Variants in IL16 observed in about 807,000 individuals in gnomAD.
IL16 encodes pro-interleukin-16.
In IL16, 67 loss-of-function variants were observed where a neutral mutation model predicts 110.1. The ratio of observed to expected loss-of-function variants is 0.61; its 90% CI spans 0.50 to 0.75. The LOEUF (loss-of-function observed/expected upper bound fraction) is 0.75. Among genes scored for constraint, IL16 ranks in the 30% least tolerant of loss-of-function variants. The pLI is 0.00. For synonymous variants in IL16, 689 were observed against 662.9 expected (o/e 1.04, Z -0.61); for missense variants, 1,545 against 1,655.0 (o/e 0.93, Z 1.15).
chr15:81,186,974 G>T (rs1895428907), intron 1 of IL16, among the ~76,000 whole-genome samples: 1 of 152,026 alleles, frequency 6.6e-6, no homozygotes, highest in Admixed American at 6.6e-5. Context: ...TCTCATTTTT[G>T]AATGCATTTC....
At position 81,299,401 on chromosome 15, in the gene IL16, A is replaced by G. The variant is rs1324138848; in HGVS notation, c.2075A>G (p.Lys692Arg). The G allele has an allele frequency of 6.2e-7, 1 of 1,613,634 alleles. No homozygotes were observed. The highest frequency in any genetic ancestry group is 8.5e-7 in the Non-Finnish European group (1 of 1,180,022). The change falls in exon 14 of 19, where the codon AAA becomes AGA. Residue 692 changes from lysine (K) to arginine (R), a missense_variant. Lys to Arg is a conservative substitution (Grantham distance 26). Coordinates refer to ENST00000683961, the MANE Select transcript of IL16 (RefSeq NM_172217.5). Reference protein sequence around the residue: ...ASPVTQTSPIKHPLLKRQARM... With the variant: ...ASPVTQTSPIRHPLLKRQARM... ...GTAGTGACCCAAACATCCCCGATAA[A>G]ACACCCACTGCTTAAGAGGCAGGCT... is the stretch of plus-strand genomic sequence containing the variant.
At chr15:81,278,664 G>T (rs12101752) in intron 6 of IL16, among the ~76,000 whole-genome samples, 153 bp from the exon 7 acceptor site, 2 of 152,174 alleles carry the variant, frequency 1.3e-5, no homozygotes, top group Non-Finnish European at 2.9e-5. Context: ...TGCCTGCTTC[G>T]CAAGGGGAGA....
intron 2 of IL16, among the ~76,000 whole-genome samples, chr15:81,233,649 A>G (rs2142073593): frequency 6.6e-6 from 1 of 152,072 alleles, no homozygotes; most frequent in African/African-American, 2.4e-5. Flanking sequence ...ATGTCTGTGT[A>G]TGTGTATGCA....
chr15:81,238,619 T>G (rs751358648), intron 2 of IL16, among the ~76,000 whole-genome samples: 11 of 110,832 alleles, frequency 9.9e-5, no homozygotes, highest in Non-Finnish European at 1.8e-4. Flanking sequence ...TCATTAGGTG[T>G]TGTTATAACT....
At chr15:81,270,664 T>C (rs1898592825) in intron 5 of IL16, among the ~76,000 whole-genome samples, 1 of 152,240 alleles carries the variant, frequency 6.6e-6, no homozygotes, top group South Asian at 2.1e-4. Flanking sequence ...TAGGTAGTAG[T>C]ATTTTTTTGG....
rs1193760253 is a variant in IL16, at chr15:81,251,293, A to G, written c.313-8479A>G. On this transcript the variant is annotated intron_variant, in intron 2 of 18. Transcript: ENST00000683961. ...GTGATCCTCCCACTTCAGCCTCCCA[A>G]GTAGCTGGTACTACAGGTTCGTACC... is the stretch of plus-strand genomic sequence containing the variant. 4.6e-5 allele frequency among the ~76,000 whole-genome samples: 7 copies of G among 152,122 alleles called. No individual in the cohort carries two copies. In the South Asian group the frequency reaches 1.5e-3, roughly 32 times the overall value.
chr15:81,222,508 C>G (rs114787161), intron 1 of IL16, among the ~76,000 whole-genome samples: 102 of 151,686 alleles, frequency 6.7e-4, no homozygotes, highest in African/African-American at 2.3e-3. Context: ...CAGATTTTCT[C>G]TCTGTCCTCC....
At chr15:81,274,861 A>T (rs1898823800) in intron 6 of IL16, among the ~76,000 whole-genome samples, 1 of 152,162 alleles carries the variant, frequency 6.6e-6, no homozygotes, top group Non-Finnish European at 1.5e-5. Context: ...GGCAATGGCG[A>T]GCCTTTGAAG....
intron 2 of IL16, among the ~76,000 whole-genome samples, chr15:81,251,701 T>A (rs1303404332): frequency 6.6e-6 from 1 of 152,208 alleles, no homozygotes; most frequent in Non-Finnish European, 1.5e-5. Flanking sequence ...TTAGGGCTCT[T>A]GATAGTCATT....
chr15:81,196,275 T>A (rs1895594565), upstream of IL16, among the ~76,000 whole-genome samples: 1 of 152,252 alleles, frequency 6.6e-6, no homozygotes, highest in African/African-American at 2.4e-5. Context: ...CTGTGTGACC[T>A]TGGGGAAATT....
At chr15:81,227,387 A>C (rs1192841003) in intron 2 of IL16, among the ~76,000 whole-genome samples, 1 of 152,210 alleles carries the variant, frequency 6.6e-6, no homozygotes, top group African/African-American at 2.4e-5. Context: ...GCTTCTCTAA[A>C]GATGTGACAT....
In IL16 at chr15:81,303,017, G is replaced by A. The variant is rs58754882; in HGVS notation, c.3319-532G>A. ...CTAGGCTAGGAAGTACCGTAGTAATGTGTGTGTGTGTGTGTGTGTGTGTGT... is the reference window on the plus strand; with the variant it reads ...CTAGGCTAGGAAGTACCGTAGTAATATGTGTGTGTGTGTGTGTGTGTGTGT... On this transcript the variant is annotated intron_variant, in intron 15 of 18. Coordinates refer to ENST00000683961, the MANE Select transcript of IL16 (RefSeq NM_172217.5). The surrounding 1 kb of genome is among the most constrained non-coding windows in gnomAD (Gnocchi z 4.1). 4.0e-3 allele frequency among the ~76,000 whole-genome samples: 198 copies of A among 49,528 alleles called. No individual in the cohort carries two copies. The highest frequency in any genetic ancestry group is 8.3e-3 in the African/African-American group (183 of 21,974). The allele number at this position is 49,528 out of a possible 152,430, so 32.5% of individuals were successfully genotyped here.
rs748283583 is a variant in IL16, at chr15:81,221,301, G to T, written c.-101-3998G>T. 2.6e-5 allele frequency among the ~76,000 whole-genome samples: 4 copies of T among 152,276 alleles called. No individual in the cohort carries two copies. The East Asian group carries it at 5.8e-4, about 22-fold the overall frequency. On this transcript the variant is annotated intron_variant, in intron 1 of 18. Transcript: ENST00000683961. ...TTCCCCCCCGGAATCCTCTGGAGGA[G>T]ACCCACAAGGCTGTCTTGTGGAGGG...
chr15:81,256,050 A>G lies in IL16; in HGVS notation c.313-3722A>G, dbSNP rs1056720782. Among the ~76,000 whole-genome samples the G allele has an allele frequency of 3.9e-5, 6 of 152,300 alleles. No individual in the cohort carries two copies. In the East Asian group the frequency reaches 1.2e-3, roughly 29 times the overall value. On this transcript the variant is annotated intron_variant, in intron 2 of 18. Transcript: ENST00000683961. ...GTGAAAAAATAGTATTCATAATCCC[A>G]TCACCCAAACCCACTCTTGCTAATT...
intron 9 of IL16, among the ~76,000 whole-genome samples, chr15:81,284,004 G>GAAAAAA: frequency 1.2e-5 from 1 of 82,696 alleles, no homozygotes; most frequent in Non-Finnish European, 2.5e-5. Flanking sequence ...CCCTGTCTCA[G>GAAAAAA]AAAAAAAAAA....
intron 2 of IL16, among the ~76,000 whole-genome samples, chr15:81,234,740 G>A (rs1004030230): frequency 2.0e-5 from 3 of 152,138 alleles, no homozygotes; most frequent in African/African-American, 7.2e-5. Flanking sequence ...GCAGCAGGCT[G>A]CCTCTAATAC....
chr15:81,278,927 G>A (rs544776666), intron 7 of IL16, 37 bp downstream of exon 7: 2 of 1,411,238 alleles, frequency 1.4e-6, no homozygotes, highest in Non-Finnish European at 2.0e-6. Flanking sequence ...CAAACTCTGG[G>A]GCCTTCAGGC....
At chr15:81,201,002 C>T (rs1203312238) in intron 1 of IL16, among the ~76,000 whole-genome samples, 1 of 152,122 alleles carries the variant, frequency 6.6e-6, no homozygotes, top group Non-Finnish European at 1.5e-5. Context: ...TGGTTGTAGC[C>T]AACTCCAGCC....
intron 2 of IL16, among the ~76,000 whole-genome samples, chr15:81,234,570 T>A (rs148509738): frequency 2.0e-5 from 3 of 152,350 alleles, no homozygotes; most frequent in East Asian, 3.9e-4. Context: ...ATTATTGTCA[T>A]GCATTTTAAT....
Sources: gnomAD v4.1 joint callset for allele counts (sites outside exome capture counted in the v4.1 genomes callset) on GRCh38, gnomAD v4.1.1 for gene constraint, Gnocchi (gnomAD v3.1) non-coding constraint, MANE v1.5 for transcripts, NCBI Gene and HGNC (gene_info 2026-07-23, HGNC 2026-07-21) for gene names.